Variants in CUX1 observed in about 807,000 individuals in gnomAD.
CUX1 encodes protein CASP.
Under a neutral mutation model 158.8 loss-of-function variants are expected in CUX1, and 31 were observed. That is an observed-to-expected ratio of 0.20 (90% CI 0.15 to 0.26). CUX1 has a LOEUF of 0.26. Ranked by LOEUF, CUX1 falls within the 10% of genes least tolerant of loss-of-function variation. The pLI, the probability that CUX1 is intolerant of heterozygous loss-of-function variation, is 1.00. For missense variants in CUX1, 1,589 were observed against 2,014.6 expected (o/e 0.79, Z 4.04); for synonymous variants, 879 against 862.1 (o/e 1.02, Z -0.34).
At chr7:102,049,005 G>A (rs1429454904) in intron 3 of CUX1, among the ~76,000 whole-genome samples, 2 of 152,038 alleles carry the variant, frequency 1.3e-5, no homozygotes, top group Admixed American at 6.6e-5. Context: ...CCAGCCAGGT[G>A]GGCCAGCGGT....
At chr7:102,082,291 T>C (rs148718154) in intron 4 of CUX1, among the ~76,000 whole-genome samples, 16,290 of 146,704 alleles carry the variant, frequency 0.11, 3,257 homozygotes, top group African/African-American at 0.37. Context: ...TTTGGGAGGC[T>C]GAGGGCAGGC....
chr7:101,871,567 G>A (rs1002596483), intron 1 of CUX1, among the ~76,000 whole-genome samples: 1 of 152,132 alleles, frequency 6.6e-6, no homozygotes, highest in African/African-American at 2.4e-5. Flanking sequence ...AGGAGTGTCT[G>A]TTGTCATATA....
At chr7:102,273,390 G>A (rs372464298) in exon 15 of CUX1, 31 of 1,612,092 alleles carry the variant, frequency 1.9e-5, no homozygotes, top group South Asian at 5.5e-5. Flanking sequence ...CTGCAAGTCC[G>A]TATCACTGAG....
chr7:102,177,107 T>C (rs1464190608), intron 10 of CUX1, among the ~76,000 whole-genome samples: 1 of 152,138 alleles, frequency 6.6e-6, no homozygotes, highest in Non-Finnish European at 1.5e-5. Context: ...CCACATCTTT[T>C]AATTCTTTTA....
chr7:102,105,176 TACAC>T (rs3076512), intron 6 of CUX1, among the ~76,000 whole-genome samples: 9,555 of 144,416 alleles, frequency 0.066, 325 homozygotes, highest in African/African-American at 0.078. Context: ...TATTTAATAT[TACAC>T]ACACACACAC....
At chr7:101,976,684 T>C (rs1174496869) in intron 2 of CUX1, among the ~76,000 whole-genome samples, 1 of 152,090 alleles carries the variant, frequency 6.6e-6, no homozygotes, top group Non-Finnish European at 1.5e-5. Flanking sequence ...GTGGCATAAT[T>C]GCACATATTG....
chr7:102,119,483 T>C (rs1300152744), intron 8 of CUX1, among the ~76,000 whole-genome samples: 2 of 152,172 alleles, frequency 1.3e-5, no homozygotes, highest in Non-Finnish European at 1.5e-5. Flanking sequence ...CAAGGGCCCA[T>C]TGATGAATAC....
chr7:102,033,393 C>G (rs555827894), intron 3 of CUX1, among the ~76,000 whole-genome samples: 1 of 151,712 alleles, frequency 6.6e-6, no homozygotes, highest in South Asian at 2.1e-4. Context: ...ATGAAAAAAA[C>G]AAAGAGCCAG....
intron 1 of CUX1, among the ~76,000 whole-genome samples, chr7:101,896,931 G>A (rs149091014): frequency 5.3e-5 from 8 of 152,292 alleles, no homozygotes; most frequent in African/African-American, 1.9e-4. Context: ...TTTGTATAAG[G>A]CAAGCAGTCA....
At chr7:101,930,953 C>T (rs745943643) in intron 2 of CUX1, among the ~76,000 whole-genome samples, 3 of 152,094 alleles carry the variant, frequency 2.0e-5, no homozygotes, top group Non-Finnish European at 2.9e-5. Flanking sequence ...AAAAATTAGC[C>T]GGGTGTGGTG....
intron 1 of CUX1, among the ~76,000 whole-genome samples, chr7:101,870,350 T>A (rs930306482): frequency 6.6e-6 from 1 of 151,890 alleles, no homozygotes; most frequent in African/African-American, 2.4e-5. Context: ...TTGTTGTTGT[T>A]TTGTGGAGAC....
intron 1 of CUX1, among the ~76,000 whole-genome samples, chr7:101,846,240 A>C (rs1795674695): frequency 6.6e-6 from 1 of 152,172 alleles, no homozygotes; most frequent in Non-Finnish European, 1.5e-5. Context: ...TAGATGGCCC[A>C]GCTGCCAGGG....
intron 20 of CUX1, among the ~76,000 whole-genome samples, chr7:102,212,089 G>A (rs1022800902): frequency 2.6e-5 from 4 of 152,214 alleles, no homozygotes; most frequent in African/African-American, 9.6e-5. Flanking sequence ...CCAGATGCTT[G>A]TGGGATTCAA....
intron 2 of CUX1, among the ~76,000 whole-genome samples, chr7:101,968,603 A>T (rs960281007): frequency 2.0e-5 from 3 of 151,736 alleles, no homozygotes; most frequent in Non-Finnish European, 4.4e-5. Context: ...TTGTATTTTT[A>T]GTAGAGACAG....
chr7:102,040,124 T>C (rs1021661370), intron 3 of CUX1, among the ~76,000 whole-genome samples: 1 of 152,126 alleles, frequency 6.6e-6, no homozygotes, highest in Admixed American at 6.6e-5. Flanking sequence ...TCAACTAGGA[T>C]CCTGCTATTC....
intron 2 of CUX1, among the ~76,000 whole-genome samples, chr7:101,930,080 G>A (rs1806116681): frequency 6.6e-6 from 1 of 152,196 alleles, no homozygotes; most frequent in African/African-American, 2.4e-5. Flanking sequence ...CACCTCAGGT[G>A]ACTCACCTGC....
chr7:102,246,173 C>T (rs1404887719), intron 23 of CUX1, among the ~76,000 whole-genome samples: 1 of 152,078 alleles, frequency 6.6e-6, no homozygotes, highest in Non-Finnish European at 1.5e-5. Flanking sequence ...TATAGCCTCC[C>T]GCCTCCCCAA....
chr7:102,064,642 G>A (rs1416166879), intron 3 of CUX1, among the ~76,000 whole-genome samples: 5 of 151,778 alleles, frequency 3.3e-5, no homozygotes, highest in Non-Finnish European at 7.4e-5. Context: ...TCCCTCCCAC[G>A]GATGCTCTTC....
chr7:101,860,173 G>A (rs565430506), intron 1 of CUX1, among the ~76,000 whole-genome samples: 31 of 152,064 alleles, frequency 2.0e-4, no homozygotes, highest in Admixed American at 9.8e-4. Flanking sequence ...ATGCATTGTC[G>A]CTGTTTGGTA....
Sources: allele counts gnomAD v4.1 joint callset (sites outside exome capture counted in the v4.1 genomes callset), GRCh38; gene constraint gnomAD v4.1.1; transcripts MANE v1.5; gene names NCBI Gene and HGNC (gene_info 2026-07-23, HGNC 2026-07-21).